Variants in ELMO1 observed in about 807,000 individuals in gnomAD.
ELMO1 encodes the protein engulfment and cell motility protein 1.
Under a neutral mutation model 98.9 loss-of-function variants are expected in ELMO1, and 26 were observed. The ratio of observed to expected loss-of-function variants is 0.26; its 90% confidence interval spans 0.19 to 0.36. The LOEUF (loss-of-function observed/expected upper bound fraction) is 0.36. Among genes scored for constraint, ELMO1 ranks in the 10% least tolerant of loss-of-function variants. The pLI, the probability that ELMO1 is intolerant of heterozygous loss-of-function variation, is 1.00. For synonymous variants in ELMO1, 346 were observed against 346.0 expected, an observed-to-expected ratio of 1.00 and a Z score of 0.00; for missense variants, 627 against 935.2, an observed-to-expected ratio of 0.67 and a Z score of 4.30.
chr7:37,178,159 AAG>A (rs1312006159), intron 13 of ELMO1, among the ~76,000 whole-genome samples: 1 of 152,078 alleles, frequency 6.6e-6, no homozygotes, highest in Non-Finnish European at 1.5e-5. Flanking sequence ...GTAATTCATA[AAG>A]AAAAAGAGGT....
At chr7:37,417,894 A>G (rs1804297478) in intron 1 of ELMO1, among the ~76,000 whole-genome samples, 3 of 152,178 alleles carry the variant, frequency 2.0e-5, no homozygotes, top group Admixed American at 6.5e-5. Context: ...GAAGGCAGCC[A>G]TATGAAGATG....
chr7:37,091,877 C>T (rs1236025272), intron 15 of ELMO1, among the ~76,000 whole-genome samples: 4 of 152,172 alleles, frequency 2.6e-5, no homozygotes, highest in South Asian at 2.1e-4. Flanking sequence ...CATCAGATCT[C>T]GTGAGACTTT....
chr7:37,202,900 A>C (rs996045199), intron 13 of ELMO1, among the ~76,000 whole-genome samples: 1 of 152,148 alleles, frequency 6.6e-6, no homozygotes, highest in Non-Finnish European at 1.5e-5. Flanking sequence ...TTCCATCTGA[A>C]AGACAAAACC....
chr7:36,930,476 T>C (rs1785946084), intron 16 of ELMO1, among the ~76,000 whole-genome samples: 1 of 152,262 alleles, frequency 6.6e-6, no homozygotes, highest in Non-Finnish European at 1.5e-5. Flanking sequence ...TAGGCTGTCA[T>C]TAAAATTACA....
intron 13 of ELMO1, among the ~76,000 whole-genome samples, chr7:37,135,954 T>G (rs1787237965): frequency 6.6e-6 from 1 of 152,016 alleles, no homozygotes; most frequent in Non-Finnish European, 1.5e-5. Flanking sequence ...AAAGTTGAGG[T>G]CCAATTTAAA....
chr7:37,342,818 G>T lies in ELMO1; in HGVS notation c.-73-55C>A. 1.1e-5 allele frequency: 9 copies of T among 840,320 alleles called. No individual in the cohort carries two copies. The highest frequency in any genetic ancestry group is 9.1e-6 in the Non-Finnish European group (5 of 549,718). The allele number at this position is 840,320 out of a possible 1,614,324, so 52.1% of individuals were successfully genotyped here. A position where few individuals can be genotyped will look rare whatever the true frequency, so the allele number is the denominator to read the frequency against. The stretch of plus-strand genomic sequence containing the variant: ...AAGTCACTCAGTGCAGATGCAGGGT[G>T]AATTTTGCTTCATCACTTCCTGTTT... On this transcript the variant is annotated intron_variant, in intron 1 of 21. Transcript: ENST00000310758. This position sits in a 1 kb window ranked among gnomAD's most constrained non-coding sequence, Gnocchi z 4.3.
chr7:36,989,381 T>G (rs1791719907), intron 16 of ELMO1, among the ~76,000 whole-genome samples: 1 of 152,188 alleles, frequency 6.6e-6, no homozygotes, highest in Non-Finnish European at 1.5e-5. Context: ...AAATGCAGAT[T>G]CCTGGGGTCC....
At chr7:36,876,288 C>G (rs921793418) in intron 19 of ELMO1, among the ~76,000 whole-genome samples, 10 of 151,310 alleles carry the variant, frequency 6.6e-5, no homozygotes, top group African/African-American at 2.2e-4. Context: ...AAGGGACTGT[C>G]TTTTATCTAA....
intron 1 of ELMO1, among the ~76,000 whole-genome samples, chr7:37,417,304 T>C (rs929265366): frequency 1.6e-4 from 24 of 152,116 alleles, no homozygotes; most frequent in African/African-American, 7.2e-5. Flanking sequence ...ACGAGGTCAT[T>C]TGGGCAGGTG....
intron 16 of ELMO1, among the ~76,000 whole-genome samples, chr7:36,912,453 A>C (rs1202633353): frequency 6.6e-6 from 1 of 152,196 alleles, no homozygotes; most frequent in East Asian, 1.9e-4. Flanking sequence ...AGACTGTGTA[A>C]ATCATAGGAG....
At chr7:36,945,133 T>C (rs372394044) in intron 16 of ELMO1, among the ~76,000 whole-genome samples, 2 of 152,352 alleles carry the variant, frequency 1.3e-5, no homozygotes. Flanking sequence ...CCTATTCCAG[T>C]TCTCAACATT....
chr7:37,395,957 C>T (rs75081518), intron 1 of ELMO1, among the ~76,000 whole-genome samples: 260 of 151,426 alleles, frequency 1.7e-3, no homozygotes, highest in African/African-American at 6.0e-3. Context: ...TCAGCTTTTT[C>T]GCCTTTACTT....
At chr7:37,098,331 A>G (rs1207990914) in intron 14 of ELMO1, among the ~76,000 whole-genome samples, 1 of 152,214 alleles carries the variant, frequency 6.6e-6, no homozygotes, top group African/African-American at 2.4e-5. Context: ...CATTCATTCT[A>G]ATTGAAGGAC....
intron 16 of ELMO1, among the ~76,000 whole-genome samples, chr7:36,926,902 A>G (rs1223245006): frequency 6.6e-6 from 1 of 152,224 alleles, no homozygotes; most frequent in Non-Finnish European, 1.5e-5. Context: ...CATATGTGTT[A>G]GAGAAAAATT....
intron 15 of ELMO1, among the ~76,000 whole-genome samples, chr7:37,027,910 CT>C (rs1794671108): frequency 6.6e-6 from 1 of 151,888 alleles, no homozygotes; most frequent in South Asian, 2.1e-4. Flanking sequence ...GGCTGGAAAA[CT>C]TGAAAAGGAC....
intron 16 of ELMO1, among the ~76,000 whole-genome samples, chr7:36,930,375 T>C (rs1785938012): frequency 6.6e-6 from 1 of 152,244 alleles, no homozygotes; most frequent in African/African-American, 2.4e-5. Flanking sequence ...TGGATGTGCC[T>C]TTTTAAGATA....
intron 13 of ELMO1, chr7:37,203,965 C>A: frequency 4.7e-6 from 2 of 424,168 alleles, no homozygotes; most frequent in Non-Finnish European, 4.7e-6. Flanking sequence ...AGAGCCCTTT[C>A]CCAGAAAGCC....
At chr7:37,351,508 C>A (rs1435144221) in intron 1 of ELMO1, among the ~76,000 whole-genome samples, 1 of 152,138 alleles carries the variant, frequency 6.6e-6, no homozygotes, top group Non-Finnish European at 1.5e-5. Context: ...CAAGGAGAAG[C>A]AAAGACAAGT....
At chr7:36,884,125 A>G (rs770409833) in intron 18 of ELMO1, among the ~76,000 whole-genome samples, 2 of 152,142 alleles carry the variant, frequency 1.3e-5, no homozygotes, top group Non-Finnish European at 2.9e-5. Flanking sequence ...GTTCGAGACC[A>G]GCCTGGCCAA....
Sources: gnomAD v4.1 joint callset for allele counts (sites outside exome capture counted in the v4.1 genomes callset) on GRCh38, gnomAD v4.1.1 for gene constraint, Gnocchi (gnomAD v3.1) non-coding constraint, MANE v1.5 for transcripts, NCBI Gene and HGNC (gene_info 2026-07-23, HGNC 2026-07-21) for gene names.